Variants in MMP28 observed in about 807,000 individuals in gnomAD.
The protein encoded by MMP28 is matrix metallopeptidase 28, also known as matrix metalloproteinase-28.
MMP28 carries 55 observed loss-of-function variants against 60.5 expected under a neutral mutation model. The ratio of observed to expected loss-of-function variants is 0.91; its 90% confidence interval spans 0.73 to 1.14. The LOEUF (loss-of-function observed/expected upper bound fraction) is 1.14, where lower values mean the gene tolerates loss of function less well. Among genes scored for constraint, MMP28 ranks in the 50% most tolerant of loss-of-function variants. The pLI is 0.00. For missense variants in MMP28, 686 were observed against 738.3 expected, an observed-to-expected ratio of 0.93 and a Z score of 0.82; for synonymous variants, 318 against 312.5, an observed-to-expected ratio of 1.02 and a Z score of -0.18.
intron 7 of MMP28, among the ~76,000 whole-genome samples, chr17:35,767,415 A>G (rs2085979750): frequency 6.6e-6 from 1 of 152,136 alleles, no homozygotes; most frequent in African/African-American, 2.4e-5. Flanking sequence ...AGAAATGCAC[A>G]CTCCAAAAGT....
chr17:35,761,099 A>ATTTTT (rs10533957), downstream of MMP28: 27 of 506,304 alleles, frequency 5.3e-5, no homozygotes, highest in Middle Eastern at 5.4e-4. Context: ...GCCTTCCTGA[A>ATTTTT]TTTTTTTTTT....
At chr17:35,774,196 C>T (rs755105588) in intron 3 of MMP28, among the ~76,000 whole-genome samples, 3 of 152,246 alleles carry the variant, frequency 2.0e-5, no homozygotes, top group Non-Finnish European at 4.4e-5. Flanking sequence ...CCCCAGCCCC[C>T]GTCAACTGAG....
chr17:35,763,966 C>A (rs1456446457), downstream of MMP28: 3 of 1,394,170 alleles, frequency 2.2e-6, no homozygotes, highest in African/African-American at 3.0e-5. Context: ...GACCCTTTCT[C>A]GGGGACAGCA....
chr17:35,761,864 C>T (rs1555601593), downstream of MMP28, among the ~76,000 whole-genome samples: 1 of 152,204 alleles, frequency 6.6e-6, no homozygotes, highest in Admixed American at 6.5e-5. Flanking sequence ...TCTCTGGAAC[C>T]CTTTTCTAGC....
chr17:35,780,150 C>A (rs1244135980), intron 1 of MMP28, among the ~76,000 whole-genome samples: 2 of 152,072 alleles, frequency 1.3e-5, no homozygotes, highest in Non-Finnish European at 2.9e-5. Context: ...CTCACTGCAA[C>A]CTCCGCCTCC....
downstream of MMP28, chr17:35,764,282 G>C (rs782308149): frequency 2.0e-6 from 3 of 1,532,858 alleles, no homozygotes; most frequent in South Asian, 1.2e-5. Context: ...GGGCTGGCTC[G>C]GCCCCTTAGC....
At chr17:35,756,625 C>T (rs191347516) in intron 2 of MMP28, among the ~76,000 whole-genome samples, 10 of 152,076 alleles carry the variant, frequency 6.6e-5, no homozygotes, top group Admixed American at 1.3e-4. Context: ...TACACCGTCA[C>T]GCCTGGCTAA....
downstream of MMP28, among the ~76,000 whole-genome samples, chr17:35,761,367 T>C (rs2085816634): frequency 6.6e-6 from 1 of 151,612 alleles, no homozygotes; most frequent in Non-Finnish European, 1.5e-5. Flanking sequence ...CACCTTGGCC[T>C]CCCAAAGTCC....
intron 3 of MMP28, 171 bp downstream of exon 3, chr17:35,778,717 T>C: frequency 2.1e-6 from 3 of 1,413,224 alleles, no homozygotes; most frequent in South Asian, 2.9e-5. Flanking sequence ...ATTAAATGTC[T>C]GTATTCACAA....
Sources: allele counts gnomAD v4.1 joint callset (sites outside exome capture counted in the v4.1 genomes callset), GRCh38; gene constraint gnomAD v4.1.1; transcripts MANE v1.5; gene names NCBI Gene and HGNC (gene_info 2026-07-23, HGNC 2026-07-21).